Variants in EPS15 observed in about 807,000 individuals in gnomAD.
EPS15 encodes the protein epidermal growth factor receptor substrate 15.
Under a neutral mutation model 113.8 loss-of-function variants are expected in EPS15, and 72 were observed. That is an observed-to-expected ratio of 0.63 (90% CI 0.52 to 0.77). The LOEUF is 0.77. EPS15 is among the 30% of genes least tolerant of loss of function. EPS15 has a pLI of 0.00. For missense variants in EPS15, 1,048 were observed against 1,045.8 expected (o/e 1.00, Z -0.03); for synonymous variants, 344 against 363.4 (o/e 0.95, Z 0.61).
intron 12 of EPS15, among the ~76,000 whole-genome samples, chr1:51,435,454 A>C (rs1270822066): frequency 6.6e-6 from 1 of 152,188 alleles, no homozygotes; most frequent in Admixed American, 6.5e-5. Flanking sequence ...GCAGCCTCCC[A>C]AAGTGCTGGG....
chr1:51,387,577 C>T (rs939652256), intron 21 of EPS15, among the ~76,000 whole-genome samples: 2 of 152,164 alleles, frequency 1.3e-5, no homozygotes, highest in African/African-American at 4.8e-5. Context: ...GGAAACCCAT[C>T]TCACGTGCAG....
In EPS15 at chr1:51,355,157, G is replaced by A. The variant is rs1557758575; in HGVS notation, c.*1543C>T. ...AAAAAAGTTAGCAGTGCAAGATAGT[G>A]GTTTAAAGTTTGTTTTAAACTGTAG... On this transcript the variant is annotated 3_prime_UTR_variant, in exon 25 of 25. Coordinates refer to ENST00000371733, the MANE Select transcript of EPS15 (RefSeq NM_001981.3). 1 of 217,348 alleles carries A rather than the reference G, an allele frequency of 4.6e-6. No homozygotes were observed. The highest frequency in any genetic ancestry group is 6.8e-5 in the East Asian group (1 of 14,618). The allele number at this position is 217,348 out of a possible 1,614,324, so 13.5% of individuals were successfully genotyped here. A position where few individuals can be genotyped will look rare whatever the true frequency, so the allele number is the denominator to read the frequency against.
chr1:51,436,976 T>C (rs918769720), intron 12 of EPS15, among the ~76,000 whole-genome samples: 2 of 152,342 alleles, frequency 1.3e-5, no homozygotes, highest in Admixed American at 6.5e-5. Flanking sequence ...ATGAGTGTTA[T>C]ATTACAACTA....
chr1:51,456,952 T>C (rs1654040066), intron 8 of EPS15, among the ~76,000 whole-genome samples: 1 of 152,088 alleles, frequency 6.6e-6, no homozygotes, highest in Non-Finnish European at 1.5e-5. Flanking sequence ...AAATCTAGAA[T>C]TTGAGTCACA....
At chr1:51,500,630 C>T (rs1215887884) in intron 1 of EPS15, among the ~76,000 whole-genome samples, 1 of 152,164 alleles carries the variant, frequency 6.6e-6, no homozygotes, top group Non-Finnish European at 1.5e-5. Context: ...ATCCTCCTGC[C>T]TCAGCCTCCC....
intron 2 of EPS15, among the ~76,000 whole-genome samples, chr1:51,479,273 G>A (rs1475792323): frequency 1.3e-5 from 2 of 152,246 alleles, no homozygotes; most frequent in South Asian, 2.1e-4. Flanking sequence ...CTTGCGTCAC[G>A]TAGTTCTCGT....
At chr1:51,442,796 G>C (rs896972769) in intron 11 of EPS15, among the ~76,000 whole-genome samples, 1 of 151,962 alleles carries the variant, frequency 6.6e-6, no homozygotes, top group East Asian at 1.9e-4. Flanking sequence ...AGCTAAAAAA[G>C]GCATAAAGTA....
At position 51,356,860 on chromosome 1, in the gene EPS15, G is replaced by T. The variant is rs199816658; in HGVS notation, c.2545-14C>A. 135 of 1,598,962 alleles carry T rather than the reference G, an allele frequency of 8.4e-5. No homozygotes were observed. The highest frequency in any genetic ancestry group is 3.6e-5 in the Admixed American group (2 of 56,196). ...TTCAGAGGGATACTGCCATTTAAAA[G>T]ATCGATGAACAAACGAATAAATAAA... On this transcript the variant is annotated splice_polypyrimidine_tract_variant and intron_variant, in intron 24 of 24. Coordinates refer to ENST00000371733, the MANE Select transcript of EPS15 (RefSeq NM_001981.3).
intron 20 of EPS15, among the ~76,000 whole-genome samples, chr1:51,394,883 G>A (rs1647772115): frequency 6.6e-6 from 1 of 151,936 alleles, no homozygotes; most frequent in African/African-American, 2.4e-5. Context: ...TTAGAGACAG[G>A]GTCTTGCTCT....
chr1:51,383,346 T>C (rs1285920760), intron 21 of EPS15, among the ~76,000 whole-genome samples: 1 of 152,214 alleles, frequency 6.6e-6, no homozygotes, highest in Non-Finnish European at 1.5e-5. Context: ...CTCTTACCAT[T>C]TCTACCACTT....
intron 2 of EPS15, among the ~76,000 whole-genome samples, chr1:51,477,743 T>C (rs1391834955): frequency 2.6e-5 from 4 of 152,230 alleles, no homozygotes; most frequent in Non-Finnish European, 1.5e-5. Context: ...GGTTGTTCAG[T>C]TGCCATGTAG....
intron 1 of EPS15, among the ~76,000 whole-genome samples, chr1:51,489,906 G>C (rs1326206147): frequency 6.6e-6 from 1 of 152,176 alleles, no homozygotes; most frequent in African/African-American, 2.4e-5. Context: ...AAGAATCACA[G>C]AGCAGAACCA....
intron 24 of EPS15, among the ~76,000 whole-genome samples, chr1:51,360,752 C>G (rs1017292232): frequency 2.0e-5 from 3 of 152,088 alleles, no homozygotes; most frequent in Non-Finnish European, 2.9e-5. Flanking sequence ...ATCATTAAAA[C>G]TTTATACACA....
chr1:51,387,342 C>T (rs2148393609), intron 21 of EPS15, among the ~76,000 whole-genome samples: 1 of 152,094 alleles, frequency 6.6e-6, no homozygotes, highest in African/African-American at 2.4e-5. Context: ...AAAGGAACAA[C>T]CAGTACCAGC....
At chr1:51,387,236 G>C (rs1647106206) in intron 21 of EPS15, among the ~76,000 whole-genome samples, 1 of 151,868 alleles carries the variant, frequency 6.6e-6, no homozygotes, top group African/African-American at 2.4e-5. Flanking sequence ...ATAAGTGAAG[G>C]AGAAATAAAA....
At position 51,460,551 on chromosome 1, in the gene EPS15, A is replaced by G. The variant is rs905551708; in HGVS notation, c.561+540T>C. Among the ~76,000 whole-genome samples, 116 of 152,182 alleles carry G rather than the reference A, an allele frequency of 7.6e-4. 1 individual carries two copies. Among genetic ancestry groups the G allele is most frequent in the Non-Finnish European group, 6.3e-4 (43 of 68,018 alleles). Reference sequence around the variant, plus strand: ...AAAAGATACTATCTTTACAGTAATTATACAAAGTATACGTTCCTATGTACC... The same window carrying G: ...AAAAGATACTATCTTTACAGTAATTGTACAAAGTATACGTTCCTATGTACC... On this transcript the variant is annotated intron_variant, in intron 8 of 24. Transcript: ENST00000371733.
At chr1:51,392,163 G>C (rs995615015) in intron 21 of EPS15, among the ~76,000 whole-genome samples, 1 of 152,134 alleles carries the variant, frequency 6.6e-6, no homozygotes, top group Non-Finnish European at 1.5e-5. Context: ...CAAAGAGGCA[G>C]GTGGAAAACC....
intron 12 of EPS15, among the ~76,000 whole-genome samples, chr1:51,429,471 G>A (rs954562642): frequency 1.3e-5 from 2 of 151,668 alleles, no homozygotes; most frequent in Non-Finnish European, 2.9e-5. Flanking sequence ...TATATTTTAT[G>A]ATAATAAAAA....
At chr1:51,490,250 G>C (rs1644206847) in intron 1 of EPS15, 1 of 446,394 alleles carries the variant, frequency 2.2e-6, no homozygotes, top group African/African-American at 2.0e-5. Context: ...AAATGATTTA[G>C]TCTTATTATA....
Sources: allele counts gnomAD v4.1 joint callset (sites outside exome capture counted in the v4.1 genomes callset), GRCh38; gene constraint gnomAD v4.1.1; transcripts MANE v1.5; gene names NCBI Gene and HGNC (gene_info 2026-07-23, HGNC 2026-07-21).